KCNH8: variants seen among roughly 807,000 people sequenced by gnomAD.
The protein encoded by KCNH8 is voltage-gated delayed rectifier potassium channel KCNH8.
Under a neutral mutation model 103.6 loss-of-function variants are expected in KCNH8, and 70 were observed. That is an observed-to-expected ratio of 0.68 (90% CI 0.56 to 0.82). The LOEUF (loss-of-function observed/expected upper bound fraction) is 0.82. Among genes scored for constraint, KCNH8 ranks in the 40% least tolerant of loss-of-function variants. KCNH8 has a pLI of 0.00. For synonymous variants in KCNH8, 498 were observed against 489.4 expected, an observed-to-expected ratio of 1.02 and a Z score of -0.23; for missense variants, 1,217 against 1,329.9, an observed-to-expected ratio of 0.92 and a Z score of 1.32.
At chr3:19,366,239 T>C (rs1342166296) in intron 5 of KCNH8, among the ~76,000 whole-genome samples, 1 of 152,108 alleles carries the variant, frequency 6.6e-6, no homozygotes, top group Admixed American at 6.6e-5. Flanking sequence ...CATATTGCAT[T>C]ATTGTTACTT....
In KCNH8 at chr3:19,510,128, T is replaced by A. The variant is rs548837457; in HGVS notation, c.2041-235T>A. On this transcript the variant is annotated intron_variant, in intron 11 of 15. Transcript: ENST00000328405. ...ATTCAACTTGGTGCTCCTTTTCTCATTACACACACTGATCAGTAGTGGTCC... is the reference window on the plus strand; with the variant it reads ...ATTCAACTTGGTGCTCCTTTTCTCAATACACACACTGATCAGTAGTGGTCC... 1.8e-4 allele frequency among the ~76,000 whole-genome samples: 27 copies of A among 152,250 alleles called. 1 individual carries two copies. The South Asian group carries it at 5.4e-3, about 30-fold the overall frequency.
intron 3 of KCNH8, among the ~76,000 whole-genome samples, chr3:19,300,269 AG>A (rs2065049592): frequency 6.6e-6 from 1 of 152,016 alleles, no homozygotes; most frequent in African/African-American, 2.4e-5. Flanking sequence ...AAAGAAAGAA[AG>A]AAAAGAAAAT....
intron 1 of KCNH8, among the ~76,000 whole-genome samples, chr3:19,215,234 C>T (rs112170237): frequency 6.6e-6 from 1 of 152,182 alleles, no homozygotes; most frequent in East Asian, 1.9e-4. Flanking sequence ...TACTAAGGTA[C>T]AGAAACTAAG....
chr3:19,249,522 C>T (rs2064249483), intron 1 of KCNH8, among the ~76,000 whole-genome samples: 1 of 152,112 alleles, frequency 6.6e-6, no homozygotes, highest in African/African-American at 2.4e-5. Flanking sequence ...CACTATAATC[C>T]TTAATTGAAA....
At chr3:19,426,032 C>T (rs1030055758) in intron 7 of KCNH8, among the ~76,000 whole-genome samples, 1 of 152,190 alleles carries the variant, frequency 6.6e-6, no homozygotes, top group Non-Finnish European at 1.5e-5. Flanking sequence ...TGTGACAACG[C>T]AGAGAATCAT....
chr3:19,174,243 T>C (rs1364383091), intron 1 of KCNH8, among the ~76,000 whole-genome samples: 1 of 152,186 alleles, frequency 6.6e-6, no homozygotes, highest in Non-Finnish European at 1.5e-5. Context: ...CCTCTACTTC[T>C]TGCATTAGCT....
At chr3:19,308,708 CTCTCTCT>C (rs2065166296) in intron 3 of KCNH8, among the ~76,000 whole-genome samples, 1 of 84,996 alleles carries the variant, frequency 1.2e-5, no homozygotes, top group African/African-American at 6.0e-5. Flanking sequence ...CTCTCTCTCT[CTCTCTCT>C]CTCCCCCTCT....
chr3:19,533,806 T>C lies in KCNH8; in HGVS notation c.3031T>C (p.Cys1011Arg), dbSNP rs1444530087. 6.2e-7 allele frequency: 1 copy of C among 1,614,046 alleles called. No individual in the cohort carries two copies. The highest frequency in any genetic ancestry group is 1.3e-5 in the African/African-American group (1 of 74,940). Residue 1011 changes from cysteine (C) to arginine (R), a missense_variant, in exon 16 of 16, where the codon TGC becomes CGC. This residue lies in a region of KCNH8 where 558 missense variants were observed against 495.8 expected (regional missense o/e 1.13). Coordinates refer to ENST00000328405, the MANE Select transcript of KCNH8 (RefSeq NM_144633.3). ...VQEGHLQFLR[C>R]ISPHSDSTLT... The stretch of plus-strand genomic sequence containing the variant: ...AGAAGGTCATTTGCAATTTTTAAGG[T>C]GCATCTCTCCACATTCAGATTCTAC...
intron 11 of KCNH8, among the ~76,000 whole-genome samples, chr3:19,466,085 C>T (rs187799448): frequency 9.3e-4 from 141 of 152,054 alleles, no homozygotes; most frequent in African/African-American, 2.8e-3. Flanking sequence ...CCACCACACC[C>T]GGCTAATTCT....
intron 11 of KCNH8, among the ~76,000 whole-genome samples, chr3:19,502,614 A>G (rs1478659034): frequency 1.3e-5 from 2 of 152,172 alleles, no homozygotes; most frequent in Non-Finnish European, 2.9e-5. Flanking sequence ...GCCCTCAGAA[A>G]TAACGCCACA....
At chr3:19,482,617 T>A (rs1189265835) in intron 11 of KCNH8, among the ~76,000 whole-genome samples, 1 of 152,212 alleles carries the variant, frequency 6.6e-6, no homozygotes, top group Non-Finnish European at 1.5e-5. Flanking sequence ...TATAAAAGTT[T>A]TAAATTCTCC....
intron 3 of KCNH8, among the ~76,000 whole-genome samples, chr3:19,323,688 A>G (rs983940214): frequency 1.3e-5 from 2 of 152,256 alleles, no homozygotes; most frequent in East Asian, 1.9e-4. Flanking sequence ...TTTGTCCCAC[A>G]GGATGCTCCC....
chr3:19,360,447 A>G (rs1269756062), intron 5 of KCNH8, among the ~76,000 whole-genome samples: 1 of 152,028 alleles, frequency 6.6e-6, no homozygotes, highest in Non-Finnish European at 1.5e-5. Context: ...CGTTAACACA[A>G]TTACTCATAT....
rs759058160 is a variant in KCNH8, at chr3:19,450,254, C to T, written c.1524C>T (p.Leu508=). 13 of 1,613,222 alleles carry T rather than the reference C, an allele frequency of 8.1e-6. No individual in the cohort carries two copies. Among genetic ancestry groups the T allele is most frequent in the East Asian group, 4.5e-5 (2 of 44,852 alleles). ...CCCAACAACTCAAGCAGAGGATGCT[C>T]GAATATTTTCAAACAACCTGGTCAG... ...HLPQQLKQRM[L]EYFQTTWSVN... Residue 508 remains leucine (L), a synonymous_variant, in exon 9 of 16, where the codon CTC becomes CTT. Coordinates refer to ENST00000328405, the MANE Select transcript of KCNH8 (RefSeq NM_144633.3).
intron 1 of KCNH8, among the ~76,000 whole-genome samples, chr3:19,159,967 C>T (rs2063218354): frequency 6.6e-6 from 1 of 151,812 alleles, no homozygotes; most frequent in Non-Finnish European, 1.5e-5. Context: ...TAAAAAAATC[C>T]TACAATAAAC....
chr3:19,154,094 G>T (rs1337834590), intron 1 of KCNH8, among the ~76,000 whole-genome samples: 1 of 152,180 alleles, frequency 6.6e-6, no homozygotes, highest in Non-Finnish European at 1.5e-5. Context: ...AATTCAGAAG[G>T]TGCAGACAAA....
At chr3:19,210,983 C>T (rs1280548072) in intron 1 of KCNH8, among the ~76,000 whole-genome samples, 1 of 152,074 alleles carries the variant, frequency 6.6e-6, no homozygotes, top group Non-Finnish European at 1.5e-5. Context: ...TCAATAATGC[C>T]TAGTTGATGC....
At chr3:19,490,464 G>T (rs151322112) in intron 11 of KCNH8, among the ~76,000 whole-genome samples, 192 of 152,266 alleles carry the variant, frequency 1.3e-3, no homozygotes, top group African/African-American at 4.5e-3. Flanking sequence ...ACCTGCACGG[G>T]TAATCAGAAT....
At chr3:19,405,355 T>C (rs1446754729) in intron 7 of KCNH8, among the ~76,000 whole-genome samples, 1 of 151,874 alleles carries the variant, frequency 6.6e-6, no homozygotes, top group African/African-American at 2.4e-5. Context: ...TATAGAAATA[T>C]CAAATAATAT....
Sources: gnomAD v4.1 joint callset for allele counts (sites outside exome capture counted in the v4.1 genomes callset) on GRCh38, gnomAD v4.1.1 for gene constraint, gnomAD v4.1.1 regional missense constraint, MANE v1.5 for transcripts, NCBI Gene and HGNC (gene_info 2026-07-23, HGNC 2026-07-21) for gene names.